Variants in DCAF8L2 observed in about 807,000 individuals in gnomAD.
DCAF8L2 encodes DDB1 and CUL4 associated factor 8 like 2, also known as DDB1- and CUL4-associated factor 8-like protein 2.
For synonymous variants in DCAF8L2, 200 were observed against 190.9 expected (o/e 1.05, Z -0.39); for missense variants, 430 against 490.7 (o/e 0.88, Z 1.17).
the DCAF8L2 span, among the ~76,000 whole-genome samples, chrX:27,530,133 A>T: frequency 5.3e-4 from 59 of 111,603 alleles, no homozygotes; most frequent in Admixed American, 2.5e-3. Context: ...AAGAGAACAT[A>T]TTCTTAGATG....
chrX:27,710,824 G>C (rs1931499154), intron 3 of DCAF8L2, among the ~76,000 whole-genome samples: 1 of 112,197 alleles, frequency 8.9e-6, no homozygotes, highest in African/African-American at 3.2e-5. Flanking sequence ...TCTGACATTA[G>C]AAGAAAAGAT....
chrX:27,592,430 TTG>T (rs1491097499), intron 1 of DCAF8L2, among the ~76,000 whole-genome samples: 30 of 108,278 alleles, frequency 2.8e-4, no homozygotes, highest in African/African-American at 9.6e-4. Context: ...TTTTTTTTTT[TTG>T]GTTTATTTAT....
At chrX:27,727,855 T>G (rs986105062) in intron 4 of DCAF8L2, among the ~76,000 whole-genome samples, 4 of 111,807 alleles carry the variant, frequency 3.6e-5, no homozygotes, top group African/African-American at 1.3e-4. Context: ...TATAGTTTTC[T>G]GTGACGAGAT....
At chrX:27,593,142 G>A (rs184040227) in intron 1 of DCAF8L2, among the ~76,000 whole-genome samples, 12 of 111,355 alleles carry the variant, frequency 1.1e-4, no homozygotes, top group Non-Finnish European at 3.8e-5. Context: ...CATTAACTAC[G>A]CTCACAGTGT....
At chrX:27,473,137 C>A in the DCAF8L2 span, among the ~76,000 whole-genome samples, 2 of 112,161 alleles carry the variant, frequency 1.8e-5, no homozygotes, top group African/African-American at 3.2e-5. Context: ...TATTCACTCA[C>A]ACAATATCAC....
chrX:27,642,792 A>C (rs903435630), intron 2 of DCAF8L2, among the ~76,000 whole-genome samples: 3 of 112,135 alleles, frequency 2.7e-5, no homozygotes, highest in Non-Finnish European at 5.6e-5. Flanking sequence ...AATATAATTG[A>C]TACACTATCA....
chrX:27,714,814 T>C (rs1393623268), intron 3 of DCAF8L2, among the ~76,000 whole-genome samples: 1 of 112,291 alleles, frequency 8.9e-6, no homozygotes, highest in East Asian at 2.8e-4. Flanking sequence ...TTCTATCAGG[T>C]TTGAGGCCAT....
chrX:27,663,598 C>T (rs1048759426), intron 2 of DCAF8L2, among the ~76,000 whole-genome samples: 6 of 111,365 alleles, frequency 5.4e-5, no homozygotes, highest in South Asian at 3.7e-4. Context: ...CTGCTCTACC[C>T]TATAGCTATC....
intron 2 of DCAF8L2, among the ~76,000 whole-genome samples, chrX:27,650,178 C>T (rs1039467820): frequency 2.0e-4 from 22 of 111,270 alleles, no homozygotes; most frequent in East Asian, 5.6e-4. Context: ...ACCAGGACAA[C>T]GCTGTTTTGA....
the DCAF8L2 span, among the ~76,000 whole-genome samples, chrX:27,539,450 A>C: frequency 1.8e-5 from 2 of 111,511 alleles, no homozygotes; most frequent in African/African-American, 3.3e-5. Flanking sequence ...AGGGAGAGAC[A>C]ATCAATGGAC....
chrX:27,611,163 A>G (rs1927144156), intron 1 of DCAF8L2, among the ~76,000 whole-genome samples: 2 of 111,282 alleles, frequency 1.8e-5, no homozygotes, highest in Admixed American at 9.6e-5. Flanking sequence ...CGGAGACAAT[A>G]GTACCGATAG....
chrX:27,708,158 C>G (rs1487381910), intron 3 of DCAF8L2, among the ~76,000 whole-genome samples: 2 of 111,135 alleles, frequency 1.8e-5, no homozygotes, highest in Non-Finnish European at 1.9e-5. Context: ...CCCTTGCCTC[C>G]CTTCCCTCTC....
In DCAF8L2 at chrX:27,628,600, CTT is replaced by C. The variant is rs1390999748; in HGVS notation, c.-341-3278_-341-3277del. ...TCACCCTTGCCAACACTTGTTGGCT[CTT>C]GTCTTTTTTTTTTTTTTTTGAGACG... On this transcript the variant is annotated intron_variant, in intron 1 of 4. Transcript: ENST00000451261. Among the ~76,000 whole-genome samples, 71 of 90,382 alleles carry C rather than the reference CTT, an allele frequency of 7.9e-4. 1 individual carries two copies. The highest frequency in any genetic ancestry group is 3.0e-3 in the African/African-American group (70 of 23,546). 78.5% of individuals were successfully genotyped at this position (90,382 alleles called of 115,157 possible).
At chrX:27,676,189 C>A (rs1039734749) in intron 2 of DCAF8L2, among the ~76,000 whole-genome samples, 3 of 111,115 alleles carry the variant, frequency 2.7e-5, no homozygotes, top group African/African-American at 9.8e-5. Context: ...TCTTTGTAGG[C>A]GTCTCATAGT....
chrX:27,496,949 T>G, the DCAF8L2 span, among the ~76,000 whole-genome samples: 212 of 112,303 alleles, frequency 1.9e-3, 1 homozygote, highest in Non-Finnish European at 3.6e-3. Flanking sequence ...AAAAAGCCAA[T>G]GTCAAAAGGT....
At chrX:27,502,331 AAAAAATATAT>A in the DCAF8L2 span, among the ~76,000 whole-genome samples, 2 of 29,596 alleles carry the variant, frequency 6.8e-5, no homozygotes, top group Non-Finnish European at 1.2e-4. Flanking sequence ...AAAAAAAAAA[AAAAAATATAT>A]ATATATATAT....
At chrX:27,502,215 G>A in the DCAF8L2 span, among the ~76,000 whole-genome samples, 1 of 100,414 alleles carries the variant, frequency 1.0e-5, no homozygotes, top group African/African-American at 3.6e-5. Flanking sequence ...CAGCTACTCC[G>A]GAGGCTGAGG....
chrX:27,626,997 A>G (rs1252392253), intron 1 of DCAF8L2, among the ~76,000 whole-genome samples: 1 of 109,081 alleles, frequency 9.2e-6, no homozygotes, highest in Non-Finnish European at 1.9e-5. Flanking sequence ...GGGGAGGGGG[A>G]ATTCACATTT....
chrX:27,673,509 A>G (rs1930030379), intron 2 of DCAF8L2, among the ~76,000 whole-genome samples: 1 of 92,456 alleles, frequency 1.1e-5, no homozygotes, highest in Non-Finnish European at 2.0e-5. Flanking sequence ...TTCCATCTCA[A>G]AAAAAAAAAA....
Sources: gnomAD v4.1 joint callset for allele counts (sites outside exome capture counted in the v4.1 genomes callset) on GRCh38, gnomAD v4.1.1 for gene constraint, MANE v1.5 for transcripts, NCBI Gene and HGNC (gene_info 2026-07-23, HGNC 2026-07-21) for gene names.